CNBD1: variants seen among roughly 807,000 people sequenced by gnomAD.
CNBD1 encodes cyclic nucleotide-binding domain-containing protein 1.
Under a neutral mutation model 54.4 loss-of-function variants are expected in CNBD1, and 71 were observed. That is an observed-to-expected ratio of 1.30 (90% confidence interval 1.08 to 1.59). CNBD1 has a LOEUF of 1.59. Among genes scored for constraint, CNBD1 ranks in the 40% most tolerant of loss-of-function variants. The pLI is 0.00. For synonymous variants in CNBD1, 182 were observed against 170.7 expected (o/e 1.07, Z -0.51); for missense variants, 659 against 518.0 (o/e 1.27, Z -2.64).
chr8:87,352,430 A>C (rs1200381673), intron 9 of CNBD1, among the ~76,000 whole-genome samples: 1 of 143,250 alleles, frequency 7.0e-6, no homozygotes, highest in Non-Finnish European at 1.5e-5. Context: ...CAGTGAGCCA[A>C]GATTGTGCCA....
chr8:86,961,105 A>G (rs952760963), intron 4 of CNBD1, among the ~76,000 whole-genome samples: 1 of 152,218 alleles, frequency 6.6e-6, no homozygotes, highest in Non-Finnish European at 1.5e-5. Context: ...ATATATAGCA[A>G]TATATGTTGT....
intron 8 of CNBD1, among the ~76,000 whole-genome samples, chr8:87,302,245 T>C (rs1405743376): frequency 6.6e-6 from 1 of 152,120 alleles, no homozygotes; most frequent in Middle Eastern, 3.2e-3. Flanking sequence ...CTCAATAAAA[T>C]ACTGGCAAAC....
At chr8:87,341,109 C>G (rs1331395174) in intron 8 of CNBD1, among the ~76,000 whole-genome samples, 1 of 152,126 alleles carries the variant, frequency 6.6e-6, no homozygotes, top group African/African-American at 2.4e-5. Flanking sequence ...GATGTATCTT[C>G]TTGGACTTGT....
chr8:86,891,881 G>A (rs1016324915), intron 2 of CNBD1, among the ~76,000 whole-genome samples: 6 of 151,820 alleles, frequency 4.0e-5, no homozygotes, highest in Non-Finnish European at 8.8e-5. Flanking sequence ...TTTGTATATA[G>A]AAGCATGACT....
At chr8:86,940,298 C>G (rs1383156986) in intron 4 of CNBD1, among the ~76,000 whole-genome samples, 1 of 151,946 alleles carries the variant, frequency 6.6e-6, no homozygotes, top group Non-Finnish European at 1.5e-5. Context: ...CCCCAAGTAG[C>G]TGGGATTACA....
intron 8 of CNBD1, among the ~76,000 whole-genome samples, chr8:87,339,775 A>G (rs1037326035): frequency 3.9e-5 from 6 of 152,172 alleles, no homozygotes; most frequent in African/African-American, 1.4e-4. Context: ...TTTAAGTGCA[A>G]TTACATACAA....
chr8:86,961,124 A>G (rs996053326), intron 4 of CNBD1, among the ~76,000 whole-genome samples: 7 of 152,332 alleles, frequency 4.6e-5, no homozygotes, highest in Middle Eastern at 3.4e-3. Flanking sequence ...GTTATAACAT[A>G]TGACAGTAAG....
intron 4 of CNBD1, among the ~76,000 whole-genome samples, chr8:87,152,747 G>T (rs1251512242): frequency 1.3e-5 from 2 of 151,814 alleles, no homozygotes; most frequent in East Asian, 1.9e-4. Context: ...TATTTATTTT[G>T]CAAATTATAG....
chr8:87,070,450 A>G (rs560009869), intron 4 of CNBD1, among the ~76,000 whole-genome samples: 1 of 152,284 alleles, frequency 6.6e-6, no homozygotes, highest in African/African-American at 2.4e-5. Context: ...TTCAACAAAT[A>G]TTTATCAAAT....
intron 8 of CNBD1, among the ~76,000 whole-genome samples, chr8:87,347,037 G>A (rs914724534): frequency 6.6e-6 from 1 of 152,158 alleles, no homozygotes; most frequent in African/African-American, 2.4e-5. Flanking sequence ...TTCACCCACT[G>A]AGAGTATTGC....
intron 1 of CNBD1, among the ~76,000 whole-genome samples, chr8:86,884,506 A>G (rs1030990280): frequency 1.3e-5 from 2 of 152,202 alleles, no homozygotes; most frequent in South Asian, 4.1e-4. Context: ...GGGTAGATAC[A>G]CTATGAACCA....
chr8:86,985,999 C>T (rs1404922062), intron 4 of CNBD1, among the ~76,000 whole-genome samples: 4 of 151,982 alleles, frequency 2.6e-5, no homozygotes, highest in South Asian at 2.1e-4. Context: ...GGTGCAATAT[C>T]GGCTCACCGC....
rs567250921 is a variant in CNBD1 at position 86,992,236 on chromosome 8, T to A, written c.431+52482T>A. 5.8e-3 allele frequency among the ~76,000 whole-genome samples: 884 copies of A among 152,214 alleles called. 8 individuals are homozygous for A. The highest frequency in any genetic ancestry group is 0.016 in the African/African-American group (651 of 41,558). ...TTTAGTATAGTTAAGTCTTTTTTTT[T>A]AAAATTATACGCCTTATCGTTAGGT... On this transcript the variant is annotated intron_variant, in intron 4 of 10. Coordinates refer to ENST00000518476, the MANE Select transcript of CNBD1 (RefSeq NM_173538.3).
chr8:87,351,549 C>G, intron 8 of CNBD1, 136 bp from the exon 9 acceptor site: 1 of 763,392 alleles, frequency 1.3e-6, no homozygotes, highest in Non-Finnish European at 1.9e-6. Flanking sequence ...TAAGTACTGT[C>G]TATAAACTGG....
At position 87,085,092 on chromosome 8, in the gene CNBD1, T is replaced by C. The variant is rs561810174; in HGVS notation, c.432-120901T>C. Among the ~76,000 whole-genome samples, 16 of 152,364 alleles carry C rather than the reference T, an allele frequency of 1.1e-4. No homozygotes were observed. The East Asian group carries it at 1.5e-3, about 15-fold the overall frequency. On this transcript the variant is annotated intron_variant, in intron 4 of 10. Transcript: ENST00000518476. ...TTCCCAGTCATTATCTTTTCAAGTATTTCTTCTGCCCCATTCTCTTTCTCT... is the reference window on the plus strand; with the variant it reads ...TTCCCAGTCATTATCTTTTCAAGTACTTCTTCTGCCCCATTCTCTTTCTCT...
At chr8:87,375,021 T>C (rs1237462042) in intron 10 of CNBD1, among the ~76,000 whole-genome samples, 1 of 150,820 alleles carries the variant, frequency 6.6e-6, no homozygotes, top group Admixed American at 6.6e-5. Context: ...AATATGCTTT[T>C]TGTGATTATT....
intron 4 of CNBD1, among the ~76,000 whole-genome samples, chr8:87,198,398 C>T (rs1483832652): frequency 6.6e-6 from 1 of 152,086 alleles, no homozygotes; most frequent in Non-Finnish European, 1.5e-5. Flanking sequence ...TCCAGAGTTC[C>T]CCTATTATAT....
rs1810198971 is a variant in CNBD1 at position 87,347,539 on chromosome 8, AAC to A, written c.1043-4139_1043-4138del. Among the ~76,000 whole-genome samples the A allele has an allele frequency of 2.6e-5, 4 of 152,110 alleles. 1 individual carries two copies. In the South Asian group the frequency reaches 8.3e-4, roughly 31 times the overall value. On this transcript the variant is annotated intron_variant, in intron 8 of 10. Coordinates refer to ENST00000518476, the MANE Select transcript of CNBD1 (RefSeq NM_173538.3). ...TAAACAAATCAATAACTTAGATGGC[AAC>A]ACACACCTTGGGGATAGCAACAGAG...
chr8:87,300,458 A>T (rs996302518), intron 8 of CNBD1, among the ~76,000 whole-genome samples: 1 of 152,186 alleles, frequency 6.6e-6, no homozygotes, highest in African/African-American at 2.4e-5. Context: ...TGCATTGTTC[A>T]GGTAGAAACT....
Sources: allele counts gnomAD v4.1 joint callset (sites outside exome capture counted in the v4.1 genomes callset), GRCh38; gene constraint gnomAD v4.1.1; transcripts MANE v1.5; gene names NCBI Gene and HGNC (gene_info 2026-07-23, HGNC 2026-07-21).